Variants in RNF175 observed in about 807,000 individuals in gnomAD.
The protein encoded by RNF175 is ring finger protein 175.
Under a neutral mutation model 50.0 loss-of-function variants are expected in RNF175, and 38 were observed. The ratio of observed to expected loss-of-function variants is 0.76; its 90% CI spans 0.59 to 1.00. RNF175 has a LOEUF of 1.00. Ranked by LOEUF, RNF175 falls within the 50% of genes least tolerant of loss-of-function variation. The probability of loss-of-function intolerance (pLI) is 0.00; values close to 1 mark genes in which losing one functional copy is unlikely to be tolerated. For missense variants in RNF175, 388 were observed against 409.6 expected (o/e 0.95, Z 0.46); for synonymous variants, 155 against 146.1 (o/e 1.06, Z -0.44).
At chr4:153,752,016 G>T (rs897044653) in intron 1 of RNF175, among the ~76,000 whole-genome samples, 1 of 152,250 alleles carries the variant, frequency 6.6e-6, no homozygotes, top group African/African-American at 2.4e-5. Context: ...CCCCAGGGAA[G>T]GGAGTAATCT....
chr4:153,752,932 T>G (rs1740367039), intron 1 of RNF175, among the ~76,000 whole-genome samples: 1 of 151,924 alleles, frequency 6.6e-6, no homozygotes, highest in South Asian at 2.1e-4. Context: ...ATAACTGTGT[T>G]TAAAAAAAAA....
intron 3 of RNF175, among the ~76,000 whole-genome samples, chr4:153,732,634 G>A (rs1739107021): frequency 6.6e-6 from 1 of 152,206 alleles, no homozygotes; most frequent in African/African-American, 2.4e-5. Flanking sequence ...TGGGCATGTA[G>A]TCATCAGGCC....
chr4:153,727,966 CA>C (rs1738802667), intron 4 of RNF175, among the ~76,000 whole-genome samples: 1 of 152,152 alleles, frequency 6.6e-6, no homozygotes, highest in Non-Finnish European at 1.5e-5. Flanking sequence ...CTTTCTTCTG[CA>C]TTTCACTAGC....
intron 3 of RNF175, among the ~76,000 whole-genome samples, chr4:153,742,604 T>C (rs1739729747): frequency 6.6e-6 from 1 of 152,142 alleles, no homozygotes; most frequent in Non-Finnish European, 1.5e-5. Context: ...TTGTTCTTGA[T>C]ATGAGAGCAA....
In RNF175 at chr4:153,727,812, CAT is replaced by C. The variant is rs541626311; in HGVS notation, c.401+393_401+394del. On this transcript the variant is annotated intron_variant, in intron 4 of 8. Coordinates refer to ENST00000347063, the MANE Select transcript of RNF175 (RefSeq NM_173662.4). ...GTTGTCCATGACTTATGATTTATTA[CAT>C]GTTTTCAGGTTGAAACACAACTTTC... 257 of 153,594 alleles carry C rather than the reference CAT, an allele frequency of 1.7e-3. 1 individual carries two copies. The highest frequency in any genetic ancestry group is 3.3e-3 in the Non-Finnish European group (228 of 68,960). The allele number at this position is 153,594 out of a possible 1,614,324, so 9.5% of individuals were successfully genotyped here. A position where few individuals can be genotyped will look rare whatever the true frequency, so the allele number is the denominator to read the frequency against.
At chr4:153,713,718 TTA>T (rs1243400521) in intron 7 of RNF175, 1 of 152,198 alleles carries the variant, frequency 6.6e-6, no homozygotes, top group Non-Finnish European at 1.5e-5. Context: ...TTCCATTATT[TTA>T]TGTTCTTGGA....
intron 2 of RNF175, among the ~76,000 whole-genome samples, chr4:153,749,396 G>A (rs573132875): frequency 1.3e-5 from 2 of 152,300 alleles, no homozygotes; most frequent in Non-Finnish European, 2.9e-5. Flanking sequence ...ACTATTTCAA[G>A]TAAAAGGAAA....
intron 3 of RNF175, chr4:153,729,542 C>G: frequency 3.2e-6 from 1 of 308,026 alleles, no homozygotes; most frequent in Non-Finnish European, 4.7e-6. Flanking sequence ...ATCCTTTAAA[C>G]AGGTCTTGGT....
intron 3 of RNF175, among the ~76,000 whole-genome samples, chr4:153,734,651 C>T (rs1423546324): frequency 2.4e-5 from 3 of 126,784 alleles, no homozygotes; most frequent in African/African-American, 9.9e-5. Flanking sequence ...CCAAGTCTGG[C>T]TTGTTTTTTT....
At chr4:153,745,899 G>A (rs866767904) in intron 3 of RNF175, among the ~76,000 whole-genome samples, 2 of 152,330 alleles carry the variant, frequency 1.3e-5, no homozygotes, top group East Asian at 3.9e-4. Context: ...CTGTTGCATT[G>A]AGTATTATGT....
At chr4:153,729,152 A>G (rs1738890027) in intron 3 of RNF175, among the ~76,000 whole-genome samples, 1 of 152,240 alleles carries the variant, frequency 6.6e-6, no homozygotes, top group Non-Finnish European at 1.5e-5. Context: ...GGAAAAGCAG[A>G]CAGCTTTAAT....
chr4:153,731,540 C>A (rs968163627), intron 3 of RNF175, among the ~76,000 whole-genome samples: 17 of 152,044 alleles, frequency 1.1e-4, no homozygotes, highest in Non-Finnish European at 2.4e-4. Context: ...TTTGTGTTGC[C>A]ATGCACATAA....
chr4:153,727,984 T>G (rs561552184), intron 4 of RNF175, among the ~76,000 whole-genome samples: 1 of 152,202 alleles, frequency 6.6e-6, no homozygotes, highest in African/African-American at 2.4e-5. Context: ...TAGCTAATAT[T>G]TGAAGTAATA....
intron 5 of RNF175, 33 bp downstream of exon 5, chr4:153,723,318 G>A (rs369190071): frequency 1.1e-5 from 12 of 1,060,832 alleles, no homozygotes; most frequent in Non-Finnish European, 1.8e-5. Flanking sequence ...GCAAGTGCTT[G>A]GAGATATTAA....
At chr4:153,743,905 A>T (rs978008610) in intron 3 of RNF175, among the ~76,000 whole-genome samples, 2 of 152,158 alleles carry the variant, frequency 1.3e-5, no homozygotes, top group Non-Finnish European at 2.9e-5. Context: ...CACCTAGTCC[A>T]GTGTAGCCTG....
Position 153,723,359 on chromosome 4 carries a change from CA to C in RNF175, c.500del (p.Leu167ArgfsTer26). On this transcript the variant is annotated frameshift_variant, in exon 5 of 9. Coordinates refer to ENST00000347063, the MANE Select transcript of RNF175 (RefSeq NM_173662.4). LOFTEE classifies it high-confidence loss of function. ...TAATTGGAGATACTTACTTGAAAAA[CA>C]GATTGAATCCACACATTGTAAACAT... is the stretch of plus-strand genomic sequence containing the variant. ...AIMFTMCGFN[L>X]FFKIKARDSM... is the part of the protein sequence containing the mutation. 6.5e-7 allele frequency: 1 copy of C among 1,532,420 alleles called. No homozygotes were observed. Among genetic ancestry groups the C allele is most frequent in the Non-Finnish European group, 9.0e-7 (1 of 1,105,984 alleles). The allele number at this position is 1,532,420 out of a possible 1,614,324, so 94.9% of individuals were successfully genotyped here.
rs147066463 is a variant in RNF175, at chr4:153,757,188, C to A, written c.66+2609G>T. 7.2e-5 allele frequency among the ~76,000 whole-genome samples: 11 copies of A among 152,302 alleles called. No homozygotes were observed. The East Asian group carries it at 1.9e-3, about 27-fold the overall frequency. On this transcript the variant is annotated intron_variant, in intron 1 of 8. Coordinates refer to ENST00000347063, the MANE Select transcript of RNF175 (RefSeq NM_173662.4). ...TCCCACTTACTCCAGGACACCCTTT[C>A]GGTGAGGCCCCTACCAGGATATATA... is the stretch of plus-strand genomic sequence containing the variant.
At chr4:153,730,132 T>C (rs1738945839) in intron 3 of RNF175, among the ~76,000 whole-genome samples, 1 of 152,220 alleles carries the variant, frequency 6.6e-6, no homozygotes, top group African/African-American at 2.4e-5. Context: ...TTTGACCCTC[T>C]GCTATTGACA....
intron 1 of RNF175, among the ~76,000 whole-genome samples, chr4:153,757,188 C>G (rs147066463): frequency 6.6e-6 from 1 of 152,184 alleles, no homozygotes; most frequent in Admixed American, 6.5e-5. Context: ...GACACCCTTT[C>G]GGTGAGGCCC....
Sources: gnomAD v4.1 joint callset for allele counts (sites outside exome capture counted in the v4.1 genomes callset) on GRCh38, gnomAD v4.1.1 for gene constraint, MANE v1.5 for transcripts, NCBI Gene and HGNC (gene_info 2026-07-23, HGNC 2026-07-21) for gene names.